Variants in ORC5 observed in about 807,000 individuals in gnomAD.
ORC5 encodes the protein origin recognition complex subunit 5, also known as protein phosphatase 1, regulatory subunit 117.
A neutral mutation model predicts 58.8 loss-of-function variants in ORC5; 39 were observed. The ratio of observed to expected loss-of-function variants is 0.66; its 90% CI spans 0.51 to 0.87. The LOEUF is 0.87. Among genes scored for constraint, ORC5 ranks in the 40% least tolerant of loss-of-function variants. The probability of loss-of-function intolerance (pLI) is 0.00; values close to 1 mark genes in which losing one functional copy is unlikely to be tolerated. For missense variants in ORC5, 493 were observed against 506.3 expected (o/e 0.97, Z 0.25); for synonymous variants, 218 against 177.6 (o/e 1.23, Z -1.81).
intron 12 of ORC5, among the ~76,000 whole-genome samples, chr7:104,152,873 T>A (rs975240286): frequency 5.9e-5 from 9 of 152,224 alleles, no homozygotes; most frequent in Non-Finnish European, 1.3e-4. Flanking sequence ...TGCAATTTTT[T>A]AAATCCCTTA....
chr7:104,147,365 G>A (rs28686914), intron 12 of ORC5, among the ~76,000 whole-genome samples: 8,103 of 152,094 alleles, frequency 0.053, 714 homozygotes, highest in African/African-American at 0.18. Flanking sequence ...AATCCCAACC[G>A]GAGTGTTCTA....
chr7:104,167,975 T>TC (rs1799135989), intron 9 of ORC5: 1 of 152,680 alleles, frequency 6.5e-6, no homozygotes, highest in Non-Finnish European at 1.5e-5. Flanking sequence ...AAAAAAAATT[T>TC]TTTTTCAATA....
At chr7:104,145,727 G>A (rs1410566023) in intron 12 of ORC5, among the ~76,000 whole-genome samples, 1 of 152,142 alleles carries the variant, frequency 6.6e-6, no homozygotes, top group African/African-American at 2.4e-5. Flanking sequence ...GGTAGAAAGA[G>A]GTAGGTGGGC....
At chr7:104,203,612 C>T (rs1305195036) in intron 2 of ORC5, among the ~76,000 whole-genome samples, 1 of 152,158 alleles carries the variant, frequency 6.6e-6, no homozygotes, top group Admixed American at 6.5e-5. Context: ...GGAGAAAGCA[C>T]TAACTGGTGA....
chr7:104,176,341 A>G (rs2115929451), intron 8 of ORC5, among the ~76,000 whole-genome samples: 1 of 152,370 alleles, frequency 6.6e-6, no homozygotes, highest in Non-Finnish European at 1.5e-5. Flanking sequence ...TGGGAAAGGC[A>G]TAGACAGGGA....
At chr7:104,187,285 G>T (rs1367246184) in intron 6 of ORC5, among the ~76,000 whole-genome samples, 1 of 152,132 alleles carries the variant, frequency 6.6e-6, no homozygotes, top group African/African-American at 2.4e-5. Flanking sequence ...AAACTGTTTT[G>T]TTTTTTCCCA....
intron 6 of ORC5, among the ~76,000 whole-genome samples, chr7:104,186,090 G>A (rs929958499): frequency 2.6e-5 from 4 of 152,166 alleles, no homozygotes; most frequent in African/African-American, 9.7e-5. Flanking sequence ...TAAGCATGGT[G>A]TAATAACACT....
At position 104,166,832 on chromosome 7, in the gene ORC5, T is replaced by G. The variant is rs200928411; in HGVS notation, c.930A>C (p.Leu310=). 1 of 1,613,176 alleles carries G rather than the reference T, an allele frequency of 6.2e-7. No individual in the cohort carries two copies. Among genetic ancestry groups the G allele is most frequent in the African/African-American group, 1.3e-5 (1 of 75,022 alleles). The change falls in exon 10 of 14, where the codon CTA becomes CTC. Residue 310 remains leucine, a synonymous_variant. Coordinates refer to ENST00000297431, the MANE Select transcript of ORC5 (RefSeq NM_002553.4). ...VELPYYSKFI[L]IAAYLASYNP... ...TGTATGAAGCAAGGTATGCAGCAAT[T>G]AGAATGAACTTAGAGTAATATGGAA...
chr7:104,199,329 G>C (rs559240543), intron 3 of ORC5, among the ~76,000 whole-genome samples: 2 of 152,208 alleles, frequency 1.3e-5, no homozygotes, highest in African/African-American at 4.8e-5. Flanking sequence ...ACTGTACCCC[G>C]CAAAGCCACA....
At chr7:104,139,405 C>G (rs1459971698) in intron 12 of ORC5, among the ~76,000 whole-genome samples, 1 of 152,104 alleles carries the variant, frequency 6.6e-6, no homozygotes, top group Admixed American at 6.6e-5. Flanking sequence ...TATTCCAGAT[C>G]TACTGGCTTA....
At chr7:104,143,847 G>A (rs1402947075) in intron 12 of ORC5, among the ~76,000 whole-genome samples, 5 of 152,018 alleles carry the variant, frequency 3.3e-5, no homozygotes, top group Admixed American at 6.6e-5. Context: ...GGCCGGGTGC[G>A]GTGGCTCACA....
intron 8 of ORC5, among the ~76,000 whole-genome samples, chr7:104,183,006 G>A (rs889967494): frequency 2.0e-5 from 3 of 152,006 alleles, no homozygotes; most frequent in African/African-American, 2.4e-5. Flanking sequence ...ATGGTGGTGC[G>A]TGCCTGTAAT....
intron 11 of ORC5, among the ~76,000 whole-genome samples, chr7:104,161,866 A>G (rs1396194597): frequency 1.3e-5 from 2 of 152,216 alleles, no homozygotes; most frequent in African/African-American, 4.8e-5. Flanking sequence ...CAGATTCCTA[A>G]GTTGTAGACT....
Position 104,197,156 on chromosome 7 carries a change from T to C in ORC5, c.441+569A>G, listed in dbSNP as rs188504648. Among the ~76,000 whole-genome samples, 284 of 152,330 alleles carry C rather than the reference T, an allele frequency of 1.9e-3. 1 individual carries two copies. The highest frequency in any genetic ancestry group is 5.7e-3 in the African/African-American group (238 of 41,578). ...AACATATAATGAAACCAATTTTTTTTCCTCAACAATGTTATAATGAAATGA... is the reference window on the plus strand; with the variant it reads ...AACATATAATGAAACCAATTTTTTTCCCTCAACAATGTTATAATGAAATGA... On this transcript the variant is annotated intron_variant, in intron 4 of 13. Transcript: ENST00000297431.
chr7:104,207,193 A>T (rs540584841), intron 1 of ORC5, among the ~76,000 whole-genome samples: 30 of 152,050 alleles, frequency 2.0e-4, no homozygotes, highest in African/African-American at 7.0e-4. Flanking sequence ...ATAGTCAAAA[A>T]TAGGTTAAAT....
chr7:104,147,246 T>C (rs1242891802), intron 12 of ORC5, among the ~76,000 whole-genome samples: 1 of 152,170 alleles, frequency 6.6e-6, no homozygotes, highest in Non-Finnish European at 1.5e-5. Context: ...ACTGGTTTCA[T>C]GCTGTGAGTC....
rs747186349 is a variant in ORC5 at position 104,126,801 on chromosome 7, T to C, written c.*47A>G. The C allele has an allele frequency of 1.4e-6, 2 of 1,437,554 alleles. No individual in the cohort carries two copies. Among genetic ancestry groups the C allele is most frequent in the Admixed American group, 1.8e-5 (1 of 56,244 alleles). 89.0% of individuals were successfully genotyped at this position (1,437,554 alleles called of 1,614,324 possible). Reference sequence around the variant, plus strand: ...AGCTAAGTAGCTGGATGAACACAGCTTGGCTTAGTCATTGTCACAGTGTCC... The same window carrying C: ...AGCTAAGTAGCTGGATGAACACAGCCTGGCTTAGTCATTGTCACAGTGTCC... On this transcript the variant is annotated 3_prime_UTR_variant, in exon 14 of 14. Coordinates refer to ENST00000297431, the MANE Select transcript of ORC5 (RefSeq NM_002553.4).
intron 3 of ORC5, 35 bp downstream of exon 3, chr7:104,200,723 G>T: frequency 7.9e-7 from 1 of 1,266,120 alleles, no homozygotes; most frequent in Non-Finnish European, 1.1e-6. Context: ...CAGTTTTCAA[G>T]ATAAGAGATG....
In ORC5 at chr7:104,165,250, T is replaced by C. The variant is rs537868506; in HGVS notation, c.1023A>G (p.Leu341=). ...HHGKIKKTNF[L]KKHEKTSNHL... ...ATGTAAATACCTTTTCGTGTTTTTT[T>C]AGAAAGTTGGTTTTCTTGATTTTTC... The change falls in exon 11 of 14, where the codon CTA becomes CTG. Residue 341 remains leucine (L), a synonymous_variant. Coordinates refer to ENST00000297431, the MANE Select transcript of ORC5 (RefSeq NM_002553.4). The C allele has an allele frequency of 5.9e-6, 9 of 1,520,108 alleles. No homozygotes were observed. In the African/African-American group the frequency reaches 8.3e-5, roughly 14 times the overall value. 94.2% of individuals were successfully genotyped at this position (1,520,108 alleles called of 1,614,324 possible). A position where few individuals can be genotyped will look rare whatever the true frequency, so the allele number is the denominator to read the frequency against.
Sources: allele counts gnomAD v4.1 joint callset (sites outside exome capture counted in the v4.1 genomes callset), GRCh38; gene constraint gnomAD v4.1.1; transcripts MANE v1.5; gene names NCBI Gene and HGNC (gene_info 2026-07-23, HGNC 2026-07-21).